Variants in ATF6 observed in about 807,000 individuals in gnomAD.
The protein encoded by ATF6 is activating transcription factor 6.
A neutral mutation model predicts 83.6 loss-of-function variants in ATF6; 53 were observed. The ratio of observed to expected loss-of-function variants is 0.63; its 90% CI spans 0.51 to 0.80. ATF6 has a LOEUF of 0.80. Among genes scored for constraint, ATF6 ranks in the 30% least tolerant of loss-of-function variants. ATF6 has a pLI of 0.00. For missense variants in ATF6, 744 were observed against 797.9 expected (o/e 0.93, Z 0.81); for synonymous variants, 288 against 285.8 (o/e 1.01, Z -0.08).
At chr1:161,905,635 T>C (rs939326458) in intron 14 of ATF6, among the ~76,000 whole-genome samples, 32 of 152,358 alleles carry the variant, frequency 2.1e-4, no homozygotes, top group African/African-American at 7.2e-4. Context: ...GTTTGATCTT[T>C]TTCCTTAAGA....
chr1:161,873,128 G>A (rs1338866961), intron 14 of ATF6, among the ~76,000 whole-genome samples: 8 of 151,446 alleles, frequency 5.3e-5, no homozygotes, highest in Non-Finnish European at 1.0e-4. Flanking sequence ...ATAAAAGAGC[G>A]TATGGAATTA....
At chr1:161,924,664 G>A (rs1236268550) in intron 15 of ATF6, among the ~76,000 whole-genome samples, 1 of 152,142 alleles carries the variant, frequency 6.6e-6, no homozygotes, top group Non-Finnish European at 1.5e-5. Context: ...TTTGCTGCTA[G>A]GAAAGGAATT....
intron 7 of ATF6, among the ~76,000 whole-genome samples, chr1:161,815,688 G>A (rs1184750646): frequency 2.0e-5 from 3 of 151,972 alleles, no homozygotes; most frequent in Non-Finnish European, 4.4e-5. Flanking sequence ...AAAACAAGCT[G>A]GGCCAGCACT....
At chr1:161,801,359 C>CT (rs1170991022) in intron 6 of ATF6, among the ~76,000 whole-genome samples, 2,584 of 95,254 alleles carry the variant, frequency 0.027, 31 homozygotes, top group South Asian at 0.049. Flanking sequence ...TATTTGTAGT[C>CT]TTTTTTTTTT....
chr1:161,766,735 G>A (rs1256674363), intron 1 of ATF6, among the ~76,000 whole-genome samples: 1 of 152,218 alleles, frequency 6.6e-6, no homozygotes, highest in Non-Finnish European at 1.5e-5. Context: ...GACGTCTTTA[G>A]GAGGTTTAGA....
chr1:161,867,380 C>T (rs1390645417), intron 14 of ATF6, among the ~76,000 whole-genome samples: 1 of 151,828 alleles, frequency 6.6e-6, no homozygotes, highest in Non-Finnish European at 1.5e-5. Flanking sequence ...AATTCAAGAG[C>T]TAAGACAGAA....
intron 15 of ATF6, among the ~76,000 whole-genome samples, chr1:161,950,122 A>C (rs182913566): frequency 1.3e-5 from 2 of 152,228 alleles, no homozygotes; most frequent in African/African-American, 4.8e-5. Flanking sequence ...TGTGACAACT[A>C]TCCAAAATAT....
At position 161,851,763 on chromosome 1, in the gene ATF6, T is replaced by C. The variant is rs774857498; in HGVS notation, c.1361T>C (p.Leu454Pro). 6.2e-7 allele frequency: 1 copy of C among 1,613,968 alleles called. No homozygotes were observed. Among genetic ancestry groups the C allele is most frequent in the East Asian group, 2.2e-5 (1 of 44,864 alleles). ...SVSNDKALMV[L>P]TEEPLLYIPP... ...TCAAATGACAAAGCCCTGATGGTGC[T>C]AACTGAAGAACCATTGCTTTACATT... is the stretch of plus-strand genomic sequence containing the variant. Residue 454 changes from leucine to proline, a missense_variant, in exon 11 of 16, where the codon CTA becomes CCA. Coordinates refer to ENST00000367942, the MANE Select transcript of ATF6 (RefSeq NM_007348.4).
intron 7 of ATF6, among the ~76,000 whole-genome samples, chr1:161,813,449 G>A (rs2101773288): frequency 6.6e-6 from 1 of 152,304 alleles, no homozygotes; most frequent in East Asian, 1.9e-4. Context: ...ACCTTTAGAG[G>A]ACTAATGAAG....
At chr1:161,807,865 CTTTTTTTTTTTTTTTT>C (rs761462420) in intron 7 of ATF6, among the ~76,000 whole-genome samples, 2 of 32,308 alleles carry the variant, frequency 6.2e-5, no homozygotes, top group African/African-American at 1.1e-4. Context: ...AGTTTGTCAT[CTTTTTTTTTTTTTTTT>C]TTTTTTTTTT....
At chr1:161,776,157 G>A (rs933546391) in intron 1 of ATF6, among the ~76,000 whole-genome samples, 5 of 152,102 alleles carry the variant, frequency 3.3e-5, no homozygotes, top group African/African-American at 2.4e-5. Context: ...AGATTCATTC[G>A]TTCTGAAGAG....
chr1:161,770,546 T>G (rs2101712317), intron 1 of ATF6, among the ~76,000 whole-genome samples: 1 of 152,342 alleles, frequency 6.6e-6, no homozygotes, highest in Non-Finnish European at 1.5e-5. Flanking sequence ...AATCTTCTTC[T>G]TCTTATAAGG....
chr1:161,935,043 A>G (rs1688510731), intron 15 of ATF6, among the ~76,000 whole-genome samples: 1 of 152,228 alleles, frequency 6.6e-6, no homozygotes, highest in African/African-American at 2.4e-5. Flanking sequence ...GGGTTTCAGT[A>G]ATTGGTACAA....
intron 10 of ATF6, among the ~76,000 whole-genome samples, chr1:161,846,811 A>G (rs1557992646): frequency 6.6e-6 from 1 of 151,952 alleles, no homozygotes; most frequent in Non-Finnish European, 1.5e-5. Context: ...TTAAAATCTC[A>G]GTTTGTGTGC....
intron 15 of ATF6, among the ~76,000 whole-genome samples, chr1:161,923,033 C>T (rs1407244747): frequency 6.6e-6 from 1 of 152,170 alleles, no homozygotes; most frequent in East Asian, 1.9e-4. Flanking sequence ...TCCTACCCAT[C>T]CTTCAAAATC....
intron 15 of ATF6, among the ~76,000 whole-genome samples, chr1:161,925,158 C>T (rs1373460505): frequency 6.6e-6 from 1 of 152,136 alleles, no homozygotes; most frequent in Non-Finnish European, 1.5e-5. Flanking sequence ...TTCTTGTGAC[C>T]TGGGTTCATG....
At chr1:161,820,414 T>C (rs1329976276) in intron 8 of ATF6, among the ~76,000 whole-genome samples, 2 of 152,182 alleles carry the variant, frequency 1.3e-5, no homozygotes, top group Non-Finnish European at 2.9e-5. Flanking sequence ...AGGCAAACTA[T>C]AGAAGTGACT....
At chr1:161,895,433 A>G (rs925612654) in intron 14 of ATF6, among the ~76,000 whole-genome samples, 1 of 152,224 alleles carries the variant, frequency 6.6e-6, no homozygotes, top group Non-Finnish European at 1.5e-5. Flanking sequence ...GCCTACTTTT[A>G]TAGAGGATAA....
At chr1:161,860,732 C>T (rs116596530) in intron 13 of ATF6, among the ~76,000 whole-genome samples, 1,983 of 151,994 alleles carry the variant, frequency 0.013, 49 homozygotes, top group African/African-American at 0.044. Flanking sequence ...CTGGTCAAAT[C>T]ATTTATTTTT....
Sources: allele counts gnomAD v4.1 joint callset (sites outside exome capture counted in the v4.1 genomes callset), GRCh38; gene constraint gnomAD v4.1.1; transcripts MANE v1.5; gene names NCBI Gene and HGNC (gene_info 2026-07-23, HGNC 2026-07-21).